NCKAP5: variants seen among roughly 807,000 people sequenced by gnomAD.
NCKAP5 encodes the protein NCK associated protein 5, also known as nck-associated protein 5.
A neutral mutation model predicts 167.0 loss-of-function variants in NCKAP5; 92 were observed. That is an observed-to-expected ratio of 0.55 (90% CI 0.47 to 0.66). NCKAP5 has a LOEUF of 0.66. Among genes scored for constraint, NCKAP5 ranks in the 30% least tolerant of loss-of-function variants. The probability of loss-of-function intolerance (pLI) is 0.00; values close to 1 mark genes in which losing one functional copy is unlikely to be tolerated. For synonymous variants in NCKAP5, 891 were observed against 877.4 expected, an observed-to-expected ratio of 1.02 and a Z score of -0.27; for missense variants, 2,378 against 2,315.0, an observed-to-expected ratio of 1.03 and a Z score of -0.56.
intron 16 of NCKAP5, among the ~76,000 whole-genome samples, chr2:132,767,457 G>C (rs1175875185): frequency 6.6e-6 from 1 of 152,116 alleles, no homozygotes; most frequent in Non-Finnish European, 1.5e-5. Flanking sequence ...TGTTGGTCAG[G>C]CTGGTCTCGA....
At chr2:132,994,367 A>G in intron 6 of NCKAP5, 128 bp from the exon 7 acceptor site, 1 of 653,442 alleles carries the variant, frequency 1.5e-6, no homozygotes, top group Non-Finnish European at 2.6e-6. Flanking sequence ...TTTTCTCTCT[A>G]CTTCATCTTC....
chr2:133,006,927 C>A (rs1349821902), intron 6 of NCKAP5, among the ~76,000 whole-genome samples: 1 of 152,192 alleles, frequency 6.6e-6, no homozygotes. Flanking sequence ...ACTGGGCCTG[C>A]TATTTAATTT....
chr2:132,739,130 AAGTGAGT>A (rs1411068104), intron 16 of NCKAP5, among the ~76,000 whole-genome samples: 8 of 152,316 alleles, frequency 5.3e-5, no homozygotes, highest in Middle Eastern at 6.8e-3. Context: ...ATAAATTTCC[AAGTGAGT>A]AGGATATGAA....
At chr2:133,644,264 A>G in the NCKAP5 span, among the ~76,000 whole-genome samples, 1 of 152,204 alleles carries the variant, frequency 6.6e-6, no homozygotes, top group African/African-American at 2.4e-5. Flanking sequence ...TTAGGAGAAA[A>G]GCCTGAGTGT....
At chr2:133,518,343 G>GTTTTTT (rs1684184045) in intron 2 of NCKAP5, among the ~76,000 whole-genome samples, 1 of 66,214 alleles carries the variant, frequency 1.5e-5, no homozygotes, top group Non-Finnish European at 3.1e-5. Flanking sequence ...TACAGTAAAG[G>GTTTTTT]ATTTTTTTTT....
chr2:133,341,154 C>T (rs1037558781), intron 3 of NCKAP5, among the ~76,000 whole-genome samples: 10 of 151,550 alleles, frequency 6.6e-5, no homozygotes, highest in African/African-American at 4.9e-5. Context: ...ATTCTTTTAC[C>T]CCATGGAAAA....
intron 3 of NCKAP5, among the ~76,000 whole-genome samples, chr2:133,459,484 T>C (rs538467087): frequency 6.6e-5 from 10 of 152,280 alleles, no homozygotes; most frequent in Admixed American, 3.9e-4. Context: ...CTTTCACCCA[T>C]AGTCCCAAAG....
chr2:132,994,950 A>C (rs759238294), intron 6 of NCKAP5, among the ~76,000 whole-genome samples: 1 of 151,512 alleles, frequency 6.6e-6, no homozygotes, highest in Non-Finnish European at 1.5e-5. Context: ...TGTGTATCTA[A>C]ACATACCTAA....
chr2:132,736,368 T>C (rs1000393795), intron 16 of NCKAP5, among the ~76,000 whole-genome samples: 1 of 152,228 alleles, frequency 6.6e-6, no homozygotes, highest in African/African-American at 2.4e-5. Flanking sequence ...GAAGCCAGTT[T>C]TTTTTCTCAG....
At chr2:132,781,506 A>G (rs1683029321) in intron 14 of NCKAP5, among the ~76,000 whole-genome samples, 1 of 152,160 alleles carries the variant, frequency 6.6e-6, no homozygotes, top group Admixed American at 6.5e-5. Flanking sequence ...TATTAACTAC[A>G]TTTTTAGCTT....
chr2:133,002,333 T>G (rs904108417), intron 6 of NCKAP5, among the ~76,000 whole-genome samples: 1 of 152,228 alleles, frequency 6.6e-6, no homozygotes, highest in African/African-American at 2.4e-5. Flanking sequence ...AATGTACAAA[T>G]TAGGCACACT....
chr2:132,679,101 G>C (rs1299051161), intron 19 of NCKAP5, among the ~76,000 whole-genome samples: 1 of 152,198 alleles, frequency 6.6e-6, no homozygotes. Flanking sequence ...CAAAAGATCA[G>C]CTTTACTAAG....
intron 6 of NCKAP5, among the ~76,000 whole-genome samples, chr2:133,004,388 C>T (rs767424807): frequency 1.4e-4 from 22 of 152,138 alleles, no homozygotes; most frequent in Middle Eastern, 3.4e-3. Flanking sequence ...TAAGTGTTGG[C>T]CGCTCTGAGA....
At chr2:133,572,163 T>C (rs1435739786), upstream of NCKAP5, among the ~76,000 whole-genome samples, 1 of 152,258 alleles carries the variant, frequency 6.6e-6, no homozygotes, top group Non-Finnish European at 1.5e-5. Flanking sequence ...CCCTCCAGTG[T>C]CCTAAGGAGC....
intron 2 of NCKAP5, among the ~76,000 whole-genome samples, chr2:133,524,260 G>A (rs1684694046): frequency 6.6e-6 from 1 of 152,174 alleles, no homozygotes; most frequent in African/African-American, 2.4e-5. Flanking sequence ...ACACATGATT[G>A]TTGGTAGCAG....
chr2:133,566,117 G>T (rs1385161779), intron 1 of NCKAP5, among the ~76,000 whole-genome samples: 1 of 152,214 alleles, frequency 6.6e-6, no homozygotes, highest in Non-Finnish European at 1.5e-5. Flanking sequence ...CCAGAGAGAA[G>T]GGTAATGGAC....
intron 3 of NCKAP5, among the ~76,000 whole-genome samples, chr2:133,421,041 C>T (rs1689442118): frequency 6.6e-6 from 1 of 152,222 alleles, no homozygotes; most frequent in Non-Finnish European, 1.5e-5. Context: ...TGCCAGCTGA[C>T]TAAACAGTCT....
intron 6 of NCKAP5, among the ~76,000 whole-genome samples, chr2:133,121,754 G>C (rs2082257769): frequency 1.4e-5 from 2 of 143,190 alleles, no homozygotes. Context: ...CTTCCCAAAA[G>C]GTAAACACTC....
At chr2:132,987,367 T>C (rs2077318516) in intron 7 of NCKAP5, among the ~76,000 whole-genome samples, 1 of 152,212 alleles carries the variant, frequency 6.6e-6, no homozygotes. Flanking sequence ...TCAGGCCATG[T>C]CATGTGCTTT....
Sources: allele counts gnomAD v4.1 joint callset (sites outside exome capture counted in the v4.1 genomes callset), GRCh38; gene constraint gnomAD v4.1.1; transcripts MANE v1.5; gene names NCBI Gene and HGNC (gene_info 2026-07-23, HGNC 2026-07-21).